GSAP: variants seen among roughly 807,000 people sequenced by gnomAD.
GSAP encodes the protein gamma-secretase-activating protein.
Under a neutral mutation model 131.7 loss-of-function variants are expected in GSAP, and 118 were observed. The observed-to-expected ratio is 0.90, with a 90% CI of 0.77 to 1.04. The LOEUF (loss-of-function observed/expected upper bound fraction) is 1.04, where lower values mean the gene tolerates loss of function less well. GSAP is among the 50% of genes least tolerant of loss of function. The probability of loss-of-function intolerance (pLI) is 0.00; values close to 1 mark genes in which losing one functional copy is unlikely to be tolerated. For synonymous variants in GSAP, 381 were observed against 363.4 expected (o/e 1.05, Z -0.55); for missense variants, 1,019 against 1,013.2 (o/e 1.01, Z -0.08).
In GSAP at chr7:77,355,746, C is replaced by CA. The variant is rs1793597268; in HGVS notation, c.1028-100dup. 6.1e-6 allele frequency: 4 copies of CA among 657,012 alleles called. 1 individual carries two copies. In the East Asian group the frequency reaches 8.2e-5, roughly 13 times the overall value. The allele number at this position is 657,012 out of a possible 1,614,324, so 40.7% of individuals were successfully genotyped here. ...GCTTGTCTCTGAATATCTCAAAAGG[C>CA]AAAAGTTTTACCAATGTAATAAGCT... is the stretch of plus-strand genomic sequence containing the variant. On this transcript the variant is annotated intron_variant, in intron 14 of 30. Coordinates refer to ENST00000257626, the MANE Select transcript of GSAP (RefSeq NM_017439.4).
chr7:77,313,942 G>T (rs113525411), intron 27 of GSAP, among the ~76,000 whole-genome samples: 2 of 152,296 alleles, frequency 1.3e-5, no homozygotes, highest in Non-Finnish European at 2.9e-5. Flanking sequence ...TGAGATGACA[G>T]AGTTAATCAG....
chr7:77,374,288 T>C (rs559427894), intron 11 of GSAP, 133 bp from the exon 12 acceptor site: 94 of 556,434 alleles, frequency 1.7e-4, no homozygotes, highest in Non-Finnish European at 2.8e-4. Context: ...GTAGATAACT[T>C]TTTTTGGTTA....
rs1369313888 is a variant in GSAP, at chr7:77,376,909, TAA to T, written c.682-4_682-3del. 7.0e-7 allele frequency: 1 copy of T among 1,429,904 alleles called. No individual in the cohort carries two copies. The highest frequency in any genetic ancestry group is 9.6e-7 in the Non-Finnish European group (1 of 1,043,998). The allele number at this position is 1,429,904 out of a possible 1,614,324, so 88.6% of individuals were successfully genotyped here. A position where few individuals can be genotyped will look rare whatever the true frequency, so the allele number is the denominator to read the frequency against. ...ACATTTTAAGATACTCCTTGATTTC[TAA>T]AAGAGAAAACAGAATGGCATATTAA... On this transcript the variant is annotated splice_polypyrimidine_tract_variant and splice_region_variant and intron_variant, in intron 9 of 30. Transcript: ENST00000257626.
chr7:77,348,851 G>A (rs1396359490), intron 19 of GSAP, among the ~76,000 whole-genome samples: 2 of 152,198 alleles, frequency 1.3e-5, no homozygotes, highest in Non-Finnish European at 2.9e-5. Flanking sequence ...GATCACTCCT[G>A]AGAAACAAAA....
Position 77,314,461 on chromosome 7 carries a change from C to T in GSAP, c.2118G>A (p.Gly706=), listed in dbSNP as rs7780455. The change falls in exon 27 of 31, where the codon GGG becomes GGA. Residue 706 remains glycine, a synonymous_variant. Coordinates refer to ENST00000257626, the MANE Select transcript of GSAP (RefSeq NM_017439.4). ...PGFHTLHTIL[G]VQCLPLHNLL... is the part of the protein sequence containing the mutation. ...GGTTATGCAAAGGGAGACACTGGAC[C>T]CCGAGGATGGTGTGCAGAGTATGAA... The T allele has an allele frequency of 5.6e-6, 9 of 1,613,630 alleles. No individual in the cohort carries two copies. In the Admixed American group the frequency reaches 1.0e-4, roughly 18 times the overall value.
rs747506096 is a variant in GSAP, at chr7:77,355,319, G to A, written c.1232C>T (p.Ser411Leu). The change falls in exon 16 of 31, where the codon TCG becomes TTG. Residue 411 changes from serine (S) to leucine (L), a missense_variant. Transcript: ENST00000257626. ...GTTCTGCAGAAGCTGTAATAAAGAC[G>A]ACTGGCTGAGCAGTGCTCTATAGAG... ...GKLYRALLSQ[S>L]SLLQLLQNTC... 32 of 1,613,192 alleles carry A rather than the reference G, an allele frequency of 2.0e-5. No individual in the cohort carries two copies. Among genetic ancestry groups the A allele is most frequent in the Middle Eastern group, 1.7e-4 (1 of 6,060 alleles).
At chr7:77,352,921 C>G (rs370639804) in intron 18 of GSAP, 23 bp downstream of exon 18, 10 of 1,334,846 alleles carry the variant, frequency 7.5e-6, no homozygotes, top group Middle Eastern at 1.8e-4. Context: ...TATTTGCATA[C>G]AGCATACACA....
At chr7:77,350,900 A>G (rs763158357) in intron 18 of GSAP, among the ~76,000 whole-genome samples, 4 of 152,222 alleles carry the variant, frequency 2.6e-5, no homozygotes, top group Non-Finnish European at 5.9e-5. Context: ...CCTTTTATTC[A>G]CTATTATTTT....
At chr7:77,354,364 G>A (rs1210739810) in intron 16 of GSAP, among the ~76,000 whole-genome samples, 1 of 152,162 alleles carries the variant, frequency 6.6e-6, no homozygotes, top group Admixed American at 6.5e-5. Flanking sequence ...AAAGTTGAAT[G>A]CTTTGTAAAG....
At chr7:77,413,857 G>T (rs199680161) in intron 1 of GSAP, among the ~76,000 whole-genome samples, 22 of 150,398 alleles carry the variant, frequency 1.5e-4, no homozygotes, top group Admixed American at 4.0e-4. Flanking sequence ...TACTTCGGTG[G>T]TTTTTTTCTT....
At chr7:77,338,419 T>A (rs1010411475) in intron 19 of GSAP, among the ~76,000 whole-genome samples, 1 of 152,142 alleles carries the variant, frequency 6.6e-6, no homozygotes, top group African/African-American at 2.4e-5. Context: ...TCTAGGAAAA[T>A]TTTCTGATTT....
rs763868415 is a variant in GSAP, at chr7:77,328,570, G to A, written c.1765+36C>T. The A allele has an allele frequency of 7.5e-6, 12 of 1,599,720 alleles. No homozygotes were observed. In the African/African-American group the frequency reaches 1.1e-4, roughly 14 times the overall value. On this transcript the variant is annotated intron_variant, in intron 22 of 30. Transcript: ENST00000257626. Reference sequence around the variant, plus strand: ...CAGTGCTACAAACAAAACACTGACTGGAACCCAGAAGGCTTTATTACAGAT... The same window carrying A: ...CAGTGCTACAAACAAAACACTGACTAGAACCCAGAAGGCTTTATTACAGAT...
At chr7:77,335,440 G>T (rs1022763328) in intron 19 of GSAP, among the ~76,000 whole-genome samples, 18 of 152,106 alleles carry the variant, frequency 1.2e-4, no homozygotes, top group Non-Finnish European at 2.5e-4. Context: ...TAGAGACAAT[G>T]TTAGAAGCAA....
chr7:77,313,914 G>T (rs1173210563), intron 27 of GSAP, among the ~76,000 whole-genome samples: 3 of 152,104 alleles, frequency 2.0e-5, no homozygotes, highest in Non-Finnish European at 2.9e-5. Context: ...AATTTTCCTT[G>T]CATTTCTAGT....
At chr7:77,323,096 C>T (rs182624895) in intron 24 of GSAP, among the ~76,000 whole-genome samples, 203 of 152,258 alleles carry the variant, frequency 1.3e-3, no homozygotes, top group Middle Eastern at 3.4e-3. Flanking sequence ...CTCAAGACAA[C>T]CTTAAAATTC....
chr7:77,405,964 G>A, intron 2 of GSAP, 65 bp downstream of exon 2: 1 of 600,990 alleles, frequency 1.7e-6, no homozygotes, highest in East Asian at 8.8e-5. Flanking sequence ...TGTAAAAAGA[G>A]AATATAAATG....
intron 11 of GSAP, 130 bp downstream of exon 11, chr7:77,374,928 G>T: frequency 2.0e-6 from 1 of 512,242 alleles, no homozygotes; most frequent in East Asian, 3.3e-5. Flanking sequence ...ATGGAGAATG[G>T]GAATACAAAA....
chr7:77,416,209 G>T lies in GSAP; in HGVS notation c.109+4C>A. The T allele has an allele frequency of 8.8e-6, 5 of 567,528 alleles. No individual in the cohort carries two copies. Among genetic ancestry groups the T allele is most frequent in the Non-Finnish European group, 1.2e-5 (5 of 403,250 alleles). The allele number at this position is 567,528 out of a possible 1,614,324, so 35.2% of individuals were successfully genotyped here. Reference sequence around the variant, plus strand: ...CACCCCTCTCCGCAGCGCGCCTCCCGCACCTGCGCCGCCGCTTCCGGCCCC... The same window carrying T: ...CACCCCTCTCCGCAGCGCGCCTCCCTCACCTGCGCCGCCGCTTCCGGCCCC... On this transcript the variant is annotated splice_donor_region_variant and intron_variant, in intron 1 of 30. Coordinates refer to ENST00000257626, the MANE Select transcript of GSAP (RefSeq NM_017439.4).
At chr7:77,384,018 G>A (rs368071872) in intron 6 of GSAP, among the ~76,000 whole-genome samples, 1 of 152,202 alleles carries the variant, frequency 6.6e-6, no homozygotes, top group Admixed American at 6.5e-5. Context: ...TAGCAATGCA[G>A]AATTCAGCTA....
Sources: allele counts gnomAD v4.1 joint callset (sites outside exome capture counted in the v4.1 genomes callset), GRCh38; gene constraint gnomAD v4.1.1; transcripts MANE v1.5; gene names NCBI Gene and HGNC (gene_info 2026-07-23, HGNC 2026-07-21).